Variants in METTL6 observed in about 807,000 individuals in gnomAD.
The protein encoded by METTL6 is methyltransferase 6, tRNA N3-cytidine.
In METTL6, 22 loss-of-function variants were observed where a neutral mutation model predicts 26.4. That is an observed-to-expected ratio of 0.83 (90% CI 0.59 to 1.19). The LOEUF (loss-of-function observed/expected upper bound fraction) is 1.19, where lower values mean the gene tolerates loss of function less well. Ranked by LOEUF, METTL6 falls within the 50% of genes most tolerant of loss-of-function variation. METTL6 has a pLI of 0.00. For missense variants in METTL6, 304 were observed against 324.8 expected (o/e 0.94, Z 0.49); for synonymous variants, 109 against 116.2 (o/e 0.94, Z 0.40).
chr3:15,411,420 A>G lies in METTL6; in HGVS notation c.691T>C (p.Phe231Leu). The change falls in exon 6 of 6, where the codon TTT becomes CTT. Residue 231 changes from phenylalanine (F) to leucine (L), a missense_variant. Phe to Leu is a conservative substitution (Grantham distance 22). Transcript: ENST00000383790. Reference sequence around the variant, plus strand: ...ACTTCTTCATAACCTGTGTCCATAAAGAGCTGAGCCAGGAAGTCTGTAAGA... The same window carrying G: ...ACTTCTTCATAACCTGTGTCCATAAGGAGCTGAGCCAGGAAGTCTGTAAGA... ...FFTDDFLAQL[F>L]MDTGYEEVVN... The G allele has an allele frequency of 6.2e-7, 1 of 1,613,812 alleles. No individual in the cohort carries two copies. The highest frequency in any genetic ancestry group is 1.1e-5 in the South Asian group (1 of 91,052).
intron 3 of METTL6, among the ~76,000 whole-genome samples, chr3:15,421,835 C>T (rs2061617048): frequency 6.6e-6 from 1 of 152,124 alleles, no homozygotes; most frequent in Non-Finnish European, 1.5e-5. Context: ...TTGCTTGAAC[C>T]CGGGAGGTGG....
intron 6 of METTL6, among the ~76,000 whole-genome samples, chr3:15,388,122 GTTT>G (rs1185644967): frequency 7.2e-6 from 1 of 138,934 alleles, no homozygotes; most frequent in Non-Finnish European, 1.6e-5. Context: ...TGTTGTTGTT[GTTT>G]TTGAGATGGA....
chr3:15,424,493 C>T (rs1469138767), intron 3 of METTL6, among the ~76,000 whole-genome samples: 3 of 152,210 alleles, frequency 2.0e-5, no homozygotes, highest in East Asian at 3.9e-4. Flanking sequence ...TCTTGAACTA[C>T]TGGGTGCAAG....
intron 4 of METTL6, 59 bp downstream of exon 4, chr3:15,415,712 GA>G: frequency 6.9e-6 from 11 of 1,598,022 alleles, no homozygotes; most frequent in Non-Finnish European, 9.4e-6. Context: ...CCTCATGAGG[GA>G]AGGTAAGTAA....
chr3:15,406,120 A>G (rs1206030074), downstream of METTL6, among the ~76,000 whole-genome samples: 1 of 151,964 alleles, frequency 6.6e-6, no homozygotes, highest in East Asian at 1.9e-4. Flanking sequence ...AATATAATAT[A>G]GTATTTATAC....
downstream of METTL6, among the ~76,000 whole-genome samples, chr3:15,405,970 T>C (rs567775273): frequency 6.6e-6 from 1 of 152,200 alleles, no homozygotes; most frequent in South Asian, 2.1e-4. Context: ...TGTAATAAAA[T>C]TGTATTAGCA....
At chr3:15,400,547 G>A (rs1454095659) in intron 6 of METTL6, among the ~76,000 whole-genome samples, 1 of 152,128 alleles carries the variant, frequency 6.6e-6, no homozygotes, top group East Asian at 1.9e-4. Flanking sequence ...TTTCTGGAAG[G>A]TATCATTTAG....
chr3:15,410,687 G>A lies in METTL6; in HGVS notation c.*569C>T, dbSNP rs73029611. On this transcript the variant is annotated 3_prime_UTR_variant, in exon 6 of 6. Transcript: ENST00000383790. ...TGGTAAGTGAAACCATGGATAAAGCGGGACTACTGTACATGCTCATTAAAA... is the reference window on the plus strand; with the variant it reads ...TGGTAAGTGAAACCATGGATAAAGCAGGACTACTGTACATGCTCATTAAAA... Among the ~76,000 whole-genome samples the A allele has an allele frequency of 2.6e-3, 389 of 152,076 alleles. No individual in the cohort carries two copies. Among genetic ancestry groups the A allele is most frequent in the Admixed American group, 5.5e-3 (84 of 15,280 alleles).
Position 15,397,278 on chromosome 3 carries a change from C to T in METTL6, c.*12-13091G>A, listed in dbSNP as rs982171470. On this transcript the variant is annotated intron_variant, in intron 6 of 6. Transcript: ENST00000443029. ...GAGGCTCCGTGGGCGTAGGACCCTCCGAGCCAGGCACGGGATATAATCTCC... is the reference window on the plus strand; with the variant it reads ...GAGGCTCCGTGGGCGTAGGACCCTCTGAGCCAGGCACGGGATATAATCTCC... 4.6e-5 allele frequency among the ~76,000 whole-genome samples: 7 copies of T among 152,228 alleles called. No homozygotes were observed. In the East Asian group the frequency reaches 1.2e-3, roughly 25 times the overall value.
intron 1 of METTL6, 76 bp from the exon 2 acceptor site, chr3:15,426,711 T>C: frequency 3.3e-6 from 2 of 600,532 alleles, no homozygotes; most frequent in Admixed American, 3.0e-5. Flanking sequence ...CAAATGTTTA[T>C]GAGATGCAGA....
chr3:15,426,472 G>A lies in METTL6; in HGVS notation c.40C>T (p.Leu14Phe), dbSNP rs1459757033. The change falls in exon 2 of 6, where the codon CTC becomes TTC. Residue 14 changes from leucine (L) to phenylalanine (F), a missense_variant. Leu to Phe is a conservative substitution (Grantham distance 22, BLOSUM62 0). Coordinates refer to ENST00000383790, the MANE Select transcript of METTL6 (RefSeq NM_152396.4). ...AGTTTCTCCTCTTCTTCAGAGGTGAGAATCCTTGCCTGCAGCCCTTTCCTT... is the reference window on the plus strand; with the variant it reads ...AGTTTCTCCTCTTCTTCAGAGGTGAAAATCCTTGCCTGCAGCCCTTTCCTT... ...LQRKGLQARI[L>F]TSEEEEKLKR... 2.5e-5 allele frequency: 40 copies of A among 1,614,006 alleles called. No homozygotes were observed. In the Admixed American group the frequency reaches 6.2e-4, roughly 25 times the overall value.
intron 5 of METTL6, among the ~76,000 whole-genome samples, chr3:15,413,072 G>A (rs1256768604): frequency 1.3e-5 from 2 of 151,944 alleles, no homozygotes; most frequent in Admixed American, 1.3e-4. Flanking sequence ...TGGCAAAACC[G>A]CATCTCTACT....
At chr3:15,381,479 C>G (rs1699082529) in exon 7 of METTL6, 1 of 152,174 alleles carries the variant, frequency 6.6e-6, no homozygotes. Flanking sequence ...GGTGGTGAAA[C>G]TTTGTCCTTG....
At chr3:15,381,538 C>T (rs73816901) in exon 7 of METTL6, 3,276 of 152,254 alleles carry the variant, frequency 0.022, 102 homozygotes, top group African/African-American at 0.072. Context: ...TTATTACTTG[C>T]ATACATCCTC....
chr3:15,391,543 A>G (rs1182261980), intron 6 of METTL6, among the ~76,000 whole-genome samples: 1 of 152,056 alleles, frequency 6.6e-6, no homozygotes, highest in Non-Finnish European at 1.5e-5. Context: ...TAGGGAACAA[A>G]ACGTGCAGGT....
At chr3:15,408,986 C>T (rs181905663), downstream of METTL6, among the ~76,000 whole-genome samples, 2 of 152,004 alleles carry the variant, frequency 1.3e-5, no homozygotes, top group Non-Finnish European at 2.9e-5. Flanking sequence ...ACTGAAAGTG[C>T]GGAGCTTGAG....
rs766088421 is a variant in METTL6 at position 15,426,395 on chromosome 3, T to C, written c.117A>G (p.Gln39=). The change falls in exon 2 of 6, where the codon CAA becomes CAG. Residue 39 remains glutamine (Q), a synonymous_variant. Coordinates refer to ENST00000383790, the MANE Select transcript of METTL6 (RefSeq NM_152396.4). ...VSDFKQQKLE[Q]EAQKNWDLFY... ...AAAGATCCCAATTTTTCTGAGCCTC[T>C]TGTTCCAATTTCTGCTGTTTAAAAT... 2.5e-6 allele frequency: 4 copies of C among 1,614,244 alleles called. No homozygotes were observed. The South Asian group carries it at 4.4e-5, about 18-fold the overall frequency.
intron 4 of METTL6, chr3:15,415,043 A>AAAAC (rs35827445): frequency 0.32 from 239,537 of 758,000 alleles, 47,426 homozygotes; most frequent in East Asian, 0.43. Context: ...GTCTCTTAAA[A>AAAAC]AAACAAACAA....
chr3:15,401,566 G>GA (rs1043363905), intron 6 of METTL6, among the ~76,000 whole-genome samples: 11 of 134,442 alleles, frequency 8.2e-5, no homozygotes, highest in Non-Finnish European at 1.5e-4. Context: ...AAGAAAGAAA[G>GA]AAAAAAAAGA....
Sources: gnomAD v4.1 joint callset for allele counts (sites outside exome capture counted in the v4.1 genomes callset) on GRCh38, gnomAD v4.1.1 for gene constraint, MANE v1.5 for transcripts, NCBI Gene and HGNC (gene_info 2026-07-23, HGNC 2026-07-21) for gene names.